DIP2B: variants seen among roughly 807,000 people sequenced by gnomAD.
DIP2B encodes disco-interacting protein 2 homolog B.
Under a neutral mutation model 198.0 loss-of-function variants are expected in DIP2B, and 76 were observed. The ratio of observed to expected loss-of-function variants is 0.38; its 90% CI spans 0.32 to 0.46. The LOEUF is 0.46. Among genes scored for constraint, DIP2B ranks in the 20% least tolerant of loss-of-function variants. The pLI, the probability that DIP2B is intolerant of heterozygous loss-of-function variation, is 0.99. For synonymous variants in DIP2B, 701 were observed against 739.1 expected (o/e 0.95, Z 0.84); for missense variants, 1,559 against 1,978.4 (o/e 0.79, Z 4.02).
intron 1 of DIP2B, among the ~76,000 whole-genome samples, chr12:50,605,876 C>T (rs889618397): frequency 2.0e-5 from 3 of 152,042 alleles, no homozygotes; most frequent in African/African-American, 7.2e-5. Context: ...GGCTGGAGTG[C>T]AGTAGCATGA....
chr12:50,701,016 T>G (rs1939408241), intron 19 of DIP2B, among the ~76,000 whole-genome samples: 1 of 152,186 alleles, frequency 6.6e-6, no homozygotes, highest in Admixed American at 6.5e-5. Flanking sequence ...CTGTAATTTT[T>G]CTTCATTGAC....
At chr12:50,689,923 A>G (rs537983915) in intron 12 of DIP2B, among the ~76,000 whole-genome samples, 16 of 152,278 alleles carry the variant, frequency 1.1e-4, no homozygotes, top group African/African-American at 3.6e-4. Flanking sequence ...TTTTGCAGAA[A>G]GGTTCGATAA....
intron 14 of DIP2B, among the ~76,000 whole-genome samples, chr12:50,693,904 A>G (rs75382011): frequency 0.022 from 3,382 of 152,304 alleles, 64 homozygotes; most frequent in Non-Finnish European, 0.03. Context: ...GCTAATCTCA[A>G]TACGAAGGCT....
intron 1 of DIP2B, among the ~76,000 whole-genome samples, chr12:50,598,500 C>T (rs1338446700): frequency 6.6e-6 from 1 of 151,780 alleles, no homozygotes; most frequent in Non-Finnish European, 1.5e-5. Flanking sequence ...TCCACTACTT[C>T]TCACATTGCT....
Position 50,537,114 on chromosome 12 carries a change from A to ATTTTTTTTTTTTTTTTTTTTT in DIP2B, c.100+31881_100+31901dup, listed in dbSNP as rs34202995. ...CAGATTGCTTGTTTATTATTCTCTA[A>ATTTTTTTTTTTTTTTTTTTTT]TTTTTTTTTTTTTTTTTTTTTTTTT... is the stretch of plus-strand genomic sequence containing the variant. On this transcript the variant is annotated intron_variant, in intron 1 of 37. Coordinates refer to ENST00000301180, the MANE Select transcript of DIP2B (RefSeq NM_173602.3). Among the ~76,000 whole-genome samples, 95 of 32,224 alleles carry ATTTTTTTTTTTTTTTTTTTTT rather than the reference A, an allele frequency of 2.9e-3. 23 individuals are homozygous for ATTTTTTTTTTTTTTTTTTTTT. The highest frequency in any genetic ancestry group is 0.011 in the East Asian group (5 of 468). The allele number at this position is 32,224 out of a possible 152,430, so 21.1% of individuals were successfully genotyped here.
intron 1 of DIP2B, among the ~76,000 whole-genome samples, chr12:50,518,655 C>T (rs1958087746): frequency 6.6e-6 from 1 of 152,236 alleles, no homozygotes; most frequent in Admixed American, 6.5e-5. Flanking sequence ...TGACCTCCAT[C>T]TCCCTGAATC....
intron 28 of DIP2B, among the ~76,000 whole-genome samples, chr12:50,726,976 G>C (rs1939948558): frequency 6.6e-6 from 1 of 152,080 alleles, no homozygotes; most frequent in Non-Finnish European, 1.5e-5. Context: ...TAATTAGCTA[G>C]GCATGGTGGC....
Position 50,551,241 on chromosome 12 carries a change from T to C in DIP2B, c.100+46001T>C, listed in dbSNP as rs377424469. On this transcript the variant is annotated intron_variant, in intron 1 of 37. Transcript: ENST00000301180. ...GAGTTTGAGACCAGCCTGGCCAACA[T>C]GGCGAAACCCCATCTCTACTAAAAA... Among the ~76,000 whole-genome samples the C allele has an allele frequency of 4.8e-3, 725 of 152,040 alleles. 8 individuals carry two copies. Among genetic ancestry groups the C allele is most frequent in the African/African-American group, 0.016 (682 of 41,508 alleles).
chr12:50,586,879 T>A (rs1958776113), intron 1 of DIP2B, among the ~76,000 whole-genome samples: 1 of 152,200 alleles, frequency 6.6e-6, no homozygotes, highest in South Asian at 2.1e-4. Flanking sequence ...GGCAAAAAAT[T>A]TTTTTAAATA....
intron 1 of DIP2B, among the ~76,000 whole-genome samples, chr12:50,529,394 T>G (rs989966251): frequency 2.0e-5 from 3 of 152,198 alleles, no homozygotes; most frequent in Admixed American, 1.3e-4. Context: ...AGGGCATTAG[T>G]GTACATGTAG....
At chr12:50,534,996 A>C (rs1157514939) in intron 1 of DIP2B, among the ~76,000 whole-genome samples, 1 of 152,124 alleles carries the variant, frequency 6.6e-6, no homozygotes, top group Non-Finnish European at 1.5e-5. Context: ...TGGGAGGCTG[A>C]GGTGGGTGGG....
chr12:50,575,619 C>T (rs1958652459), intron 1 of DIP2B, among the ~76,000 whole-genome samples: 1 of 152,114 alleles, frequency 6.6e-6, no homozygotes, highest in Admixed American at 6.5e-5. Context: ...AATTCCTGGG[C>T]TCAAGTGATC....
chr12:50,540,484 A>G (rs993955902), intron 1 of DIP2B, among the ~76,000 whole-genome samples: 2 of 151,180 alleles, frequency 1.3e-5, no homozygotes, highest in African/African-American at 2.4e-5. Flanking sequence ...TCAGATGCCT[A>G]TATAGCAGTC....
chr12:50,608,435 A>G (rs561153428), intron 1 of DIP2B, among the ~76,000 whole-genome samples: 1 of 152,108 alleles, frequency 6.6e-6, no homozygotes, highest in Admixed American at 6.6e-5. Flanking sequence ...CAGCCTGGCC[A>G]ACATGGAGAA....
chr12:50,639,931 G>A (rs1158565162), intron 2 of DIP2B, among the ~76,000 whole-genome samples: 2 of 152,208 alleles, frequency 1.3e-5, no homozygotes, highest in East Asian at 3.9e-4. Flanking sequence ...GGGCATATAG[G>A]GAGCAGGAAA....
chr12:50,666,723 CA>C (rs1565864207), intron 4 of DIP2B, among the ~76,000 whole-genome samples: 1 of 152,154 alleles, frequency 6.6e-6, no homozygotes, highest in East Asian at 1.9e-4. Flanking sequence ...AGGAACCTGT[CA>C]AAAAAGCTTG....
rs1257807545 is a variant in DIP2B at position 50,731,529 on chromosome 12, G to A, written c.3802G>A (p.Val1268Met). ...CAAAGGTCTTGGGAACCAAGTGGAAGTGCTAAAGGTAAGAAGCAGCTCCAG... is the reference window on the plus strand; with the variant it reads ...CAAAGGTCTTGGGAACCAAGTGGAAATGCTAAAGGTAAGAAGCAGCTCCAG... ...CTKGLGNQVE[V>M]LKTRGINLSC... Residue 1268 changes from valine (V) to methionine (M), a missense_variant, in exon 31 of 38, where the codon GTG (valine) becomes ATG (methionine). Physicochemically the swap from Val to Met is conservative, Grantham distance 21. Coordinates refer to ENST00000301180, the MANE Select transcript of DIP2B (RefSeq NM_173602.3). The A allele has an allele frequency of 1.2e-6, 2 of 1,612,140 alleles. No individual in the cohort carries two copies. The highest frequency in any genetic ancestry group is 1.7e-6 in the Non-Finnish European group (2 of 1,178,934).
chr12:50,511,531 G>T (rs1958016907), intron 1 of DIP2B, among the ~76,000 whole-genome samples: 1 of 151,656 alleles, frequency 6.6e-6, no homozygotes, highest in African/African-American at 2.4e-5. Context: ...GACCTCAAAT[G>T]ATCCACCTGC....
intron 1 of DIP2B, among the ~76,000 whole-genome samples, chr12:50,519,714 C>T (rs968253489): frequency 6.6e-6 from 1 of 151,922 alleles, no homozygotes; most frequent in Non-Finnish European, 1.5e-5. Flanking sequence ...TCTTTTTTCC[C>T]CCAGGATATT....
Sources: gnomAD v4.1 joint callset for allele counts (sites outside exome capture counted in the v4.1 genomes callset) on GRCh38, gnomAD v4.1.1 for gene constraint, MANE v1.5 for transcripts, NCBI Gene and HGNC (gene_info 2026-07-23, HGNC 2026-07-21) for gene names.